MAPRE1: variants seen among roughly 807,000 people sequenced by gnomAD.
The protein encoded by MAPRE1 is microtubule-associated protein RP/EB family member 1.
MAPRE1 carries 5 observed loss-of-function variants against 32.1 expected under a neutral mutation model. The ratio of observed to expected loss-of-function variants is 0.16; its 90% CI spans 0.08 to 0.33. The LOEUF is 0.33. Among genes scored for constraint, MAPRE1 ranks in the 10% least tolerant of loss-of-function variants. The pLI, the probability that MAPRE1 is intolerant of heterozygous loss-of-function variation, is 1.00. For missense variants in MAPRE1, 209 were observed against 327.2 expected (o/e 0.64, Z 2.79); for synonymous variants, 122 against 118.9 (o/e 1.03, Z -0.17).
At chr20:32,819,817 G>A (rs1036200040), upstream of MAPRE1, 10 of 152,194 alleles carry the variant, frequency 6.6e-5, no homozygotes, top group Non-Finnish European at 1.3e-4. Context: ...CCGTTCTGTG[G>A]ATCAGGGGCC....
chr20:32,846,550 G>C, intron 5 of MAPRE1, 68 bp from the exon 6 acceptor site: 1 of 1,480,108 alleles, frequency 6.8e-7, no homozygotes, highest in East Asian at 2.3e-5. Flanking sequence ...TTTTGGGTTA[G>C]AAGTCTGCCT....
intron 5 of MAPRE1, among the ~76,000 whole-genome samples, chr20:32,842,725 T>A (rs939688526): frequency 6.6e-6 from 1 of 152,188 alleles, no homozygotes; most frequent in African/African-American, 2.4e-5. Context: ...GGGAGATCTG[T>A]CCTAGACCTA....
chr20:32,829,618 C>T (rs1163847355), intron 2 of MAPRE1, among the ~76,000 whole-genome samples: 7 of 147,760 alleles, frequency 4.7e-5, no homozygotes, highest in Non-Finnish European at 1.1e-4. Context: ...GAGGATCTAG[C>T]AGACCAGAGT....
chr20:32,833,358 A>G (rs980073088), intron 2 of MAPRE1, among the ~76,000 whole-genome samples: 4 of 152,264 alleles, frequency 2.6e-5, no homozygotes, highest in African/African-American at 9.6e-5. Flanking sequence ...GTGAAAAATC[A>G]GAAAATGTCA....
chr20:32,833,369 CT>C (rs1344296851), intron 2 of MAPRE1, among the ~76,000 whole-genome samples: 1 of 152,086 alleles, frequency 6.6e-6, no homozygotes. Context: ...GAAAATGTCA[CT>C]TTTGTTATTT....
chr20:32,837,869 A>C (rs1983244532), intron 4 of MAPRE1, among the ~76,000 whole-genome samples: 1 of 152,178 alleles, frequency 6.6e-6, no homozygotes, highest in African/African-American at 2.4e-5. Flanking sequence ...AGATCACTTG[A>C]GGTCAGGAGT....
chr20:32,838,715 C>T (rs1983268962), intron 4 of MAPRE1, among the ~76,000 whole-genome samples: 1 of 152,184 alleles, frequency 6.6e-6, no homozygotes. Context: ...TTTCATATTT[C>T]AGATGCTGCT....
chr20:32,846,872 G>T (rs767427519), intron 6 of MAPRE1, 102 bp downstream of exon 6: 86 of 1,305,720 alleles, frequency 6.6e-5, no homozygotes, highest in Non-Finnish European at 8.9e-5. Flanking sequence ...TTCATCAAAA[G>T]ACTTCATCTT....
intron 2 of MAPRE1, among the ~76,000 whole-genome samples, chr20:32,826,671 C>T (rs201847325): frequency 1.3e-4 from 19 of 151,564 alleles, no homozygotes; most frequent in Non-Finnish European, 2.5e-4. Flanking sequence ...GGACTACAGG[C>T]GTGCATCACC....
chr20:32,839,180 C>T (rs1983283904), intron 4 of MAPRE1, among the ~76,000 whole-genome samples: 1 of 152,198 alleles, frequency 6.6e-6, no homozygotes, highest in Non-Finnish European at 1.5e-5. Context: ...TTCCCTCCCT[C>T]TTCCACTCCA....
At chr20:32,834,583 A>G (rs541748465) in intron 3 of MAPRE1, among the ~76,000 whole-genome samples, 9 of 152,022 alleles carry the variant, frequency 5.9e-5, no homozygotes, top group Admixed American at 2.0e-4. Context: ...AACACCCCCA[A>G]TTATCTTGCT....
rs1982641875 is a variant in MAPRE1, at chr20:32,820,047, C to T, written c.-4+19C>T. ...AGAGCCGGTGAGCCGGCTAGCGGGC[C>T]CGGGGGGTGCGGCTGGGGGGGCGGC... is the stretch of plus-strand genomic sequence containing the variant. On this transcript the variant is annotated intron_variant, in intron 1 of 6. Transcript: ENST00000375571. 6.6e-6 allele frequency: 1 copy of T among 152,100 alleles called. No homozygotes were observed. Among genetic ancestry groups the T allele is most frequent in the African/African-American group, 2.4e-5 (1 of 41,258 alleles). The allele number at this position is 152,100 out of a possible 1,614,324, so 9.4% of individuals were successfully genotyped here.
chr20:32,824,685 T>G (rs974894102), intron 1 of MAPRE1, among the ~76,000 whole-genome samples: 1 of 151,738 alleles, frequency 6.6e-6, no homozygotes, highest in Non-Finnish European at 1.5e-5. Context: ...TTTATAGTTT[T>G]TTTTTTTTTT....
At chr20:32,822,957 G>C (rs746609109) in intron 1 of MAPRE1, among the ~76,000 whole-genome samples, 19 of 152,166 alleles carry the variant, frequency 1.2e-4, no homozygotes, top group Non-Finnish European at 2.6e-4. Flanking sequence ...TGCATAACAT[G>C]GTTTTATCAG....
chr20:32,833,993 C>T, intron 3 of MAPRE1, 131 bp downstream of exon 3: 1 of 869,156 alleles, frequency 1.2e-6, no homozygotes, highest in South Asian at 2.5e-5. Flanking sequence ...TCTCAGTTAA[C>T]ACAGAATTTA....
intron 2 of MAPRE1, among the ~76,000 whole-genome samples, chr20:32,832,145 C>G (rs748778658): frequency 8.5e-5 from 13 of 152,160 alleles, no homozygotes; most frequent in African/African-American, 1.2e-4. Flanking sequence ...CATGCTGGAA[C>G]CAGCAGAGAA....
chr20:32,847,458 G>T (rs1983535274), intron 6 of MAPRE1, among the ~76,000 whole-genome samples: 1 of 152,184 alleles, frequency 6.6e-6, no homozygotes, highest in African/African-American at 2.4e-5. Flanking sequence ...CAAACTTCTG[G>T]TAGTATGTGT....
Position 32,849,008 on chromosome 20 carries a change from T to C in MAPRE1, c.*280T>C. Reference sequence around the variant, plus strand: ...CTCACCATGCGGATGCGGGTCACACTGAATGCTGGAGAGATGTTATGTAAT... The same window carrying C: ...CTCACCATGCGGATGCGGGTCACACCGAATGCTGGAGAGATGTTATGTAAT... On this transcript the variant is annotated 3_prime_UTR_variant, in exon 7 of 7. Coordinates refer to ENST00000375571, the MANE Select transcript of MAPRE1 (RefSeq NM_012325.3). 3.4e-6 allele frequency: 1 copy of C among 292,810 alleles called. No homozygotes were observed. The highest frequency in any genetic ancestry group is 6.4e-6 in the Non-Finnish European group (1 of 157,278). 18.1% of individuals were successfully genotyped at this position (292,810 alleles called of 1,614,324 possible). A position where few individuals can be genotyped will look rare whatever the true frequency, so the allele number is the denominator to read the frequency against.
intron 2 of MAPRE1, 67 bp downstream of exon 2, chr20:32,826,115 G>A: frequency 2.8e-6 from 4 of 1,445,782 alleles, no homozygotes; most frequent in Admixed American, 1.8e-5. Flanking sequence ...GTGAAGGCCT[G>A]TATCTGACTG....
Sources: gnomAD v4.1 joint callset for allele counts (sites outside exome capture counted in the v4.1 genomes callset) on GRCh38, gnomAD v4.1.1 for gene constraint, MANE v1.5 for transcripts, NCBI Gene and HGNC (gene_info 2026-07-23, HGNC 2026-07-21) for gene names.